Variants in PTDSS2 observed in about 807,000 individuals in gnomAD.
The protein encoded by PTDSS2 is PSS-2.
In PTDSS2, 41 loss-of-function variants were observed where a neutral mutation model predicts 64.7. That is an observed-to-expected ratio of 0.63 (90% CI 0.49 to 0.82). The LOEUF (loss-of-function observed/expected upper bound fraction) is 0.82. PTDSS2 is among the 40% of genes least tolerant of loss of function. The pLI, the probability that PTDSS2 is intolerant of heterozygous loss-of-function variation, is 0.00. For missense variants in PTDSS2, 485 were observed against 650.0 expected, an observed-to-expected ratio of 0.75 and a Z score of 2.76; for synonymous variants, 297 against 277.8, an observed-to-expected ratio of 1.07 and a Z score of -0.69.
intron 8 of PTDSS2, 111 bp from the exon 9 acceptor site, chr11:489,289 G>T (rs770991297): frequency 2.3e-6 from 2 of 863,928 alleles, no homozygotes; most frequent in East Asian, 5.3e-5. Context: ...AGCAGAGCTC[G>T]TCCGATGGCA....
In PTDSS2 at chr11:471,942, C is replaced by T. The variant is rs1235590707; in HGVS notation, c.285-1953C>T. 7.3e-5 allele frequency among the ~76,000 whole-genome samples: 9 copies of T among 122,918 alleles called. No homozygotes were observed. The South Asian group carries it at 7.7e-4, about 10-fold the overall frequency. The allele number at this position is 122,918 out of a possible 152,430, so 80.6% of individuals were successfully genotyped here. ...TCGGGCAGATGGTGGCCTGGGGTGA[C>T]GTGGATGGCGGCCTGGGGTGATGCA... On this transcript the variant is annotated intron_variant, in intron 2 of 11. Transcript: ENST00000308020.
At position 460,220 on chromosome 11, in the gene PTDSS2, C is replaced by T. The variant is rs778161763; in HGVS notation, c.216C>T (p.Leu72=). The T allele has an allele frequency of 1.2e-5, 19 of 1,614,226 alleles. No individual in the cohort carries two copies. In the Admixed American group the frequency reaches 3.0e-4, roughly 25 times the overall value. ...RAHTLTVLFI[L]TCTLGYVTLL... ...ACACCTTAACCGTGCTCTTCATCCT[C>T]ACCTGTACGCTTGGCTATGTGACGC... Residue 72 remains leucine, a synonymous_variant, in exon 2 of 12, where the codon CTC becomes CTT. Coordinates refer to ENST00000308020, the MANE Select transcript of PTDSS2 (RefSeq NM_030783.3). This position sits in a 1 kb window ranked among gnomAD's most constrained non-coding sequence, Gnocchi z 5.8.
In PTDSS2 at chr11:479,254, G is replaced by A; in HGVS notation, c.435+102G>A. 1 of 978,792 alleles carries A rather than the reference G, an allele frequency of 1.0e-6. No individual in the cohort carries two copies. The highest frequency in any genetic ancestry group is 1.7e-6 in the Non-Finnish European group (1 of 602,106). 60.6% of individuals were successfully genotyped at this position (978,792 alleles called of 1,614,324 possible). A position where few individuals can be genotyped will look rare whatever the true frequency, so the allele number is the denominator to read the frequency against. Reference sequence around the variant, plus strand: ...TTGCCCACACAGCCCTCGAGTGATGGGAGGAAGCAGGGCTAGACCCCCACA... The same window carrying A: ...TTGCCCACACAGCCCTCGAGTGATGAGAGGAAGCAGGGCTAGACCCCCACA... On this transcript the variant is annotated intron_variant, in intron 4 of 11. Transcript: ENST00000308020. This position sits in a 1 kb window ranked among gnomAD's most constrained non-coding sequence, Gnocchi z 4.2.
At chr11:463,509 A>G (rs1051531686) in intron 2 of PTDSS2, 1 of 150,462 alleles carries the variant, frequency 6.6e-6, no homozygotes, top group African/African-American at 2.5e-5. Context: ...CGCCTCCCCA[A>G]GCGCCAGAAC....
In PTDSS2 at chr11:488,549, C is replaced by T. The variant is rs1564997420; in HGVS notation, c.756C>T (p.Val252=). 2.5e-6 allele frequency: 4 copies of T among 1,613,514 alleles called. No individual in the cohort carries two copies. Among genetic ancestry groups the T allele is most frequent in the Non-Finnish European group, 2.5e-6 (3 of 1,179,962 alleles). Reference sequence around the variant, plus strand: ...TGCAGTGGATCATGGACGTGCTCGTCTGCAACGGGCTGGGCATCTACTGCG... The same window carrying T: ...TGCAGTGGATCATGGACGTGCTCGTTTGCAACGGGCTGGGCATCTACTGCG... The part of the protein sequence containing the change: ...WWDHWIMDVL[V]CNGLGIYCGM... The change falls in exon 8 of 12, where the codon GTC becomes GTT. Residue 252 remains valine (V), a synonymous_variant. Coordinates refer to ENST00000308020, the MANE Select transcript of PTDSS2 (RefSeq NM_030783.3).
At chr11:484,972 G>A (rs976179757) in intron 4 of PTDSS2, among the ~76,000 whole-genome samples, 3 of 127,514 alleles carry the variant, frequency 2.4e-5, no homozygotes, top group Admixed American at 8.1e-5. Flanking sequence ...GCAGGCGAGC[G>A]TAAACTGCAC....
chr11:454,570 G>A (rs1846497150), intron 1 of PTDSS2, among the ~76,000 whole-genome samples: 1 of 152,178 alleles, frequency 6.6e-6, no homozygotes, highest in African/African-American at 2.4e-5. Context: ...ACTTTGGGAG[G>A]CCGAGGCAGG....
chr11:449,398 G>A (rs1332329859), upstream of PTDSS2, among the ~76,000 whole-genome samples: 1 of 152,214 alleles, frequency 6.6e-6, no homozygotes, highest in Non-Finnish European at 1.5e-5. Flanking sequence ...AGGTCCAGCT[G>A]TGCTGTAGCA....
intron 2 of PTDSS2, among the ~76,000 whole-genome samples, chr11:473,108 G>A (rs539341185): frequency 1.2e-4 from 18 of 152,386 alleles, no homozygotes; most frequent in South Asian, 4.1e-4. Context: ...CTGCACATCC[G>A]CCGGCCTAAG....
intron 4 of PTDSS2, among the ~76,000 whole-genome samples, chr11:484,835 A>C (rs1487879061): frequency 7.9e-6 from 1 of 126,020 alleles, no homozygotes; most frequent in South Asian, 2.5e-4. Context: ...TGCGCAGGCG[A>C]GTGTAAACAG....
rs1233148624 is a variant in PTDSS2 at position 460,633 on chromosome 11, C to T, written c.284+345C>T. The T allele has an allele frequency of 1.8e-5, 4 of 225,864 alleles. No homozygotes were observed. The highest frequency in any genetic ancestry group is 8.0e-5 in the South Asian group (1 of 12,466). The allele number at this position is 225,864 out of a possible 1,614,324, so 14.0% of individuals were successfully genotyped here. A position where few individuals can be genotyped will look rare whatever the true frequency, so the allele number is the denominator to read the frequency against. On this transcript the variant is annotated intron_variant, in intron 2 of 11. Coordinates refer to ENST00000308020, the MANE Select transcript of PTDSS2 (RefSeq NM_030783.3). This position sits in a 1 kb window ranked among gnomAD's most constrained non-coding sequence, Gnocchi z 5.8. ...CTGAGCCCTTGAGTTTGGGCGTCTC[C>T]GGGGGTGAGGTTCCTGCGGTGGCCG...
chr11:474,001 T>C, intron 3 of PTDSS2, 24 bp downstream of exon 3: 1 of 1,572,042 alleles, frequency 6.4e-7, no homozygotes, highest in Non-Finnish European at 8.8e-7. Context: ...TCCTTTTCCG[T>C]GTGCCCCTGT....
chr11:490,536 T>A lies in PTDSS2; in HGVS notation c.1418T>A (p.Leu473Gln). 6.2e-7 allele frequency: 1 copy of A among 1,612,108 alleles called. No individual in the cohort carries two copies. The highest frequency in any genetic ancestry group is 1.1e-5 in the South Asian group (1 of 90,966). The change falls in exon 12 of 12, where the codon CTG (leucine) becomes CAG (glutamine). Residue 473 changes from leucine (L) to glutamine (Q), a missense_variant. Physicochemically the swap from Leu to Gln is moderately radical, Grantham distance 113 (BLOSUM62 -2). Coordinates refer to ENST00000308020, the MANE Select transcript of PTDSS2 (RefSeq NM_030783.3). Reference protein sequence around the residue: ...QHPLGLDEDLLGPGVAEGEGA... With the variant: ...QHPLGLDEDLQGPGVAEGEGA... ...CCACTGGGGCTGGACGAAGACCTGC[T>A]GGGGCCTGGGGTGGCCGAGGGCGAG...
At chr11:486,611 A>ATCT (rs1467343434) in intron 4 of PTDSS2, among the ~76,000 whole-genome samples, 1 of 151,630 alleles carries the variant, frequency 6.6e-6, no homozygotes, top group African/African-American at 2.4e-5. Flanking sequence ...GGGAGGCCGA[A>ATCT]GTGGGCGGAT....
At chr11:474,598 G>A (rs542166794) in intron 3 of PTDSS2, among the ~76,000 whole-genome samples, 2 of 152,214 alleles carry the variant, frequency 1.3e-5, no homozygotes, top group South Asian at 2.1e-4. Context: ...ACAAACCCTC[G>A]TGGGCCAGAG....
At chr11:450,683 T>G (rs372615553) in intron 1 of PTDSS2, 46 bp downstream of exon 1, 3 of 1,236,798 alleles carry the variant, frequency 2.4e-6, no homozygotes, top group Non-Finnish European at 2.0e-6. Flanking sequence ...GCCCTCGACC[T>G]GGGGGTTCCG....
At chr11:452,269 G>A (rs1009445447) in intron 1 of PTDSS2, among the ~76,000 whole-genome samples, 9 of 152,232 alleles carry the variant, frequency 5.9e-5, no homozygotes, top group African/African-American at 1.9e-4. Context: ...ACCGTTCTAC[G>A]GGACATAGCA....
chr11:484,716 CAG>C (rs77073143), intron 4 of PTDSS2, among the ~76,000 whole-genome samples: 1,837 of 144,982 alleles, frequency 0.013, 15 homozygotes, highest in Non-Finnish European at 0.018. Flanking sequence ...CGAGCGTAAA[CAG>C]TGCACGGATG....
chr11:463,714 T>C (rs1166564850), intron 2 of PTDSS2: 1 of 150,226 alleles, frequency 6.7e-6, no homozygotes, highest in East Asian at 2.0e-4. Context: ...GCCCGGTTAA[T>C]TTTTTGTATT....
Sources: allele counts gnomAD v4.1 joint callset (sites outside exome capture counted in the v4.1 genomes callset), GRCh38; gene constraint gnomAD v4.1.1; non-coding constraint Gnocchi (gnomAD v3.1); transcripts MANE v1.5; gene names NCBI Gene and HGNC (gene_info 2026-07-23, HGNC 2026-07-21).